Variants in THOC1 observed in about 807,000 individuals in gnomAD.
THOC1 encodes the protein THO complex 1.
Under a neutral mutation model 97.3 loss-of-function variants are expected in THOC1, and 29 were observed. The observed-to-expected ratio is 0.30, with a 90% CI of 0.22 to 0.41. THOC1 has a LOEUF of 0.41. Ranked by LOEUF, THOC1 falls within the 10% of genes least tolerant of loss-of-function variation. The pLI is 1.00. For synonymous variants in THOC1, 255 were observed against 257.0 expected (o/e 0.99, Z 0.07); for missense variants, 529 against 761.9 (o/e 0.69, Z 3.60).
Position 214,617 on chromosome 18 carries a change from A to AAAAAG in THOC1, c.*4_*8dup. 6.3e-7 allele frequency: 1 copy of AAAAAG among 1,584,814 alleles called. No homozygotes were observed. Among genetic ancestry groups the AAAAAG allele is most frequent in the Non-Finnish European group, 8.6e-7 (1 of 1,167,398 alleles). The stretch of plus-strand genomic sequence containing the variant: ...ATCACAGTTTTAATAAAAAGAAAAA[A>AAAAAG]AAAAGAAGCTAACTATTTGTCTCAT... On this transcript the variant is annotated 3_prime_UTR_variant, in exon 21 of 21. Transcript: ENST00000261600.
chr18:237,029 C>T (rs1372533180), intron 11 of THOC1, among the ~76,000 whole-genome samples: 1 of 151,706 alleles, frequency 6.6e-6, no homozygotes, highest in African/African-American at 2.4e-5. Flanking sequence ...GCAGGAGTTG[C>T]ATATTTCTCA....
At chr18:224,496 T>G (rs1405223943) in intron 15 of THOC1, among the ~76,000 whole-genome samples, 1 of 151,628 alleles carries the variant, frequency 6.6e-6, no homozygotes, top group Admixed American at 6.6e-5. Context: ...TGAGAATCGC[T>G]TGAACCCAAG....
At chr18:237,702 G>C (rs1473533944) in intron 11 of THOC1, among the ~76,000 whole-genome samples, 2 of 152,086 alleles carry the variant, frequency 1.3e-5, no homozygotes, top group African/African-American at 2.4e-5. Context: ...AAATGTGTTA[G>C]ATATTAAATT....
At chr18:258,912 G>C (rs1912517346) in intron 7 of THOC1, among the ~76,000 whole-genome samples, 1 of 152,066 alleles carries the variant, frequency 6.6e-6, no homozygotes, top group Non-Finnish European at 1.5e-5. Flanking sequence ...ATACGGATAT[G>C]ATGGTTCATA....
At position 214,625 on chromosome 18, in the gene THOC1, GCTAA is replaced by G. The variant is rs756388947; in HGVS notation, c.1971_1974del (p.Ter658PhefsTer8). ...TTTAATAAAAAGAAAAAAAAAAGAA[GCTAA>G]CTATTTGTCTCATTGTCATTAGTTA... On this transcript the variant is annotated frameshift_variant and stop_lost, in exon 21 of 21. Transcript: ENST00000261600. LOFTEE classifies it high-confidence loss of function. The G allele has an allele frequency of 6.9e-6, 11 of 1,585,852 alleles. No individual in the cohort carries two copies. The highest frequency in any genetic ancestry group is 1.8e-5 in the Admixed American group (1 of 55,460).
intron 7 of THOC1, among the ~76,000 whole-genome samples, chr18:257,143 C>T (rs1912462048): frequency 6.6e-6 from 1 of 152,086 alleles, no homozygotes; most frequent in African/African-American, 2.4e-5. Flanking sequence ...ATGAATATTG[C>T]TTTATTGCAA....
intron 9 of THOC1, among the ~76,000 whole-genome samples, chr18:251,339 C>G (rs988859163): frequency 6.6e-6 from 1 of 152,196 alleles, no homozygotes; most frequent in Non-Finnish European, 1.5e-5. Context: ...TGGGCAGATA[C>G]AGGAATCCCA....
At chr18:250,287 T>A (rs1912237888) in intron 9 of THOC1, among the ~76,000 whole-genome samples, 2 of 152,120 alleles carry the variant, frequency 1.3e-5, no homozygotes. Context: ...CTTCAAAGAG[T>A]TGTCTATACT....
intron 11 of THOC1, chr18:244,177 G>A (rs944947623): frequency 7.2e-5 from 11 of 151,846 alleles, no homozygotes; most frequent in South Asian, 2.1e-4. Flanking sequence ...TATTATTACT[G>A]TCATCTAGTT....
intron 9 of THOC1, among the ~76,000 whole-genome samples, chr18:249,649 G>A (rs1398172793): frequency 2.7e-5 from 4 of 146,190 alleles, no homozygotes; most frequent in Non-Finnish European, 4.5e-5. Context: ...GTGACAGAGC[G>A]AGACTCCGTC....
intron 11 of THOC1, among the ~76,000 whole-genome samples, chr18:230,294 C>G (rs1329702612): frequency 6.6e-6 from 1 of 152,100 alleles, no homozygotes; most frequent in Non-Finnish European, 1.5e-5. Context: ...AGAAGGGGAG[C>G]CAAATAAGAG....
chr18:264,322 A>C (rs944395810), intron 3 of THOC1, among the ~76,000 whole-genome samples: 4 of 152,318 alleles, frequency 2.6e-5, no homozygotes, highest in African/African-American at 9.6e-5. Flanking sequence ...TCAAAATCCA[A>C]TGGTCTCAAG....
intron 10 of THOC1, among the ~76,000 whole-genome samples, chr18:246,934 A>C (rs1169300835): frequency 6.7e-6 from 1 of 149,818 alleles, no homozygotes; most frequent in East Asian, 1.9e-4. Flanking sequence ...AAAAAAAAAA[A>C]AACGAAGAAA....
intron 7 of THOC1, among the ~76,000 whole-genome samples, chr18:255,744 C>A (rs982346945): frequency 2.0e-5 from 3 of 152,210 alleles, no homozygotes; most frequent in Admixed American, 6.5e-5. Flanking sequence ...TTAGGACTTT[C>A]ATAGCTAGAG....
intron 11 of THOC1, among the ~76,000 whole-genome samples, chr18:236,480 C>T (rs1178351920): frequency 3.5e-5 from 3 of 86,486 alleles, no homozygotes; most frequent in East Asian, 2.4e-4. Flanking sequence ...CTCAGCCTCC[C>T]GAGTAGCTGG....
chr18:267,407 A>G lies in THOC1; in HGVS notation c.54+559T>C, dbSNP rs1214257646. 3.3e-5 allele frequency among the ~76,000 whole-genome samples: 5 copies of G among 152,204 alleles called. 1 individual carries two copies. The highest frequency in any genetic ancestry group is 7.3e-5 in the Non-Finnish European group (5 of 68,028). ...CCCAAATGCTCAAAACCACCCTTCC[A>G]CATTGAGCAAGAATAAAATAGCATC... On this transcript the variant is annotated intron_variant, in intron 1 of 20. Coordinates refer to ENST00000261600, the MANE Select transcript of THOC1 (RefSeq NM_005131.3).
chr18:249,626 C>T (rs903382606), intron 9 of THOC1, among the ~76,000 whole-genome samples: 1 of 150,846 alleles, frequency 6.6e-6, no homozygotes. Context: ...CACAGCACTG[C>T]ACTCCAGCCT....
At chr18:227,890 C>G (rs1911351923) in intron 11 of THOC1, among the ~76,000 whole-genome samples, 1 of 152,056 alleles carries the variant, frequency 6.6e-6, no homozygotes, top group Non-Finnish European at 1.5e-5. Flanking sequence ...TGCTACCTAA[C>G]ACGCACAAGC....
rs1304882710 is a variant in THOC1, at chr18:253,755, C to G, written c.603+518G>C. Among the ~76,000 whole-genome samples, 20 of 152,100 alleles carry G rather than the reference C, an allele frequency of 1.3e-4. 1 individual carries two copies. Among genetic ancestry groups the G allele is most frequent in the Admixed American group, 1.3e-3 (20 of 15,268 alleles). On this transcript the variant is annotated intron_variant, in intron 8 of 20. Transcript: ENST00000261600. ...AATAGAAAGCTATGCCATAATCTAC[C>G]ATGGTCTACCTTGGATTACAGAATA...
Sources: gnomAD v4.1 joint callset for allele counts (sites outside exome capture counted in the v4.1 genomes callset) on GRCh38, gnomAD v4.1.1 for gene constraint, MANE v1.5 for transcripts, NCBI Gene and HGNC (gene_info 2026-07-23, HGNC 2026-07-21) for gene names.